MAP7: variants seen among roughly 807,000 people sequenced by gnomAD.
MAP7 encodes ensconsin.
In MAP7, 52 loss-of-function variants were observed where a neutral mutation model predicts 94.8. The observed-to-expected ratio is 0.55, with a 90% confidence interval of 0.44 to 0.69. The LOEUF is 0.69. Ranked by LOEUF, MAP7 falls within the 30% of genes least tolerant of loss-of-function variation. The pLI is 0.00. For synonymous variants in MAP7, 350 were observed against 357.0 expected (o/e 0.98, Z 0.22); for missense variants, 940 against 964.6 (o/e 0.97, Z 0.34).
intron 1 of MAP7, among the ~76,000 whole-genome samples, chr6:136,490,966 G>C (rs975020534): frequency 4.6e-5 from 7 of 152,096 alleles, no homozygotes; most frequent in Admixed American, 3.9e-4. Context: ...TTCAGATGCA[G>C]ACTTCATGCT....
intron 1 of MAP7, chr6:136,526,058 A>C: frequency 6.9e-7 from 1 of 1,442,088 alleles, no homozygotes; most frequent in East Asian, 2.5e-5. Flanking sequence ...CTAGTTCCTA[A>C]GCTGCCTGTT....
intron 1 of MAP7, among the ~76,000 whole-genome samples, chr6:136,508,601 A>G (rs1822292878): frequency 6.6e-6 from 1 of 152,210 alleles, no homozygotes; most frequent in Non-Finnish European, 1.5e-5. Context: ...GCTTCTCTTC[A>G]GTCAACTTCT....
At chr6:136,545,977 T>A (rs1829706448) in intron 1 of MAP7, among the ~76,000 whole-genome samples, 1 of 152,206 alleles carries the variant, frequency 6.6e-6, no homozygotes, top group Non-Finnish European at 1.5e-5. Flanking sequence ...CAATCTGCTG[T>A]GCTATCAAAT....
At chr6:136,359,598 G>A (rs1040652895) in intron 15 of MAP7, among the ~76,000 whole-genome samples, 3 of 151,950 alleles carry the variant, frequency 2.0e-5, no homozygotes, top group Non-Finnish European at 4.4e-5. Context: ...AAAATATCAA[G>A]CAACCCATTA....
intron 1 of MAP7, among the ~76,000 whole-genome samples, chr6:136,439,118 A>C (rs920921812): frequency 3.9e-5 from 6 of 152,190 alleles, no homozygotes; most frequent in African/African-American, 1.4e-4. Context: ...AAATGGTTTG[A>C]ATGTATGTAT....
chr6:136,540,579 C>T (rs531834515), intron 1 of MAP7, among the ~76,000 whole-genome samples: 1 of 152,130 alleles, frequency 6.6e-6, no homozygotes, highest in Non-Finnish European at 1.5e-5. Context: ...TCAAAAAAGT[C>T]CTGGGGCAAA....
chr6:136,528,760 G>A (rs565571071), intron 1 of MAP7, among the ~76,000 whole-genome samples: 4 of 152,292 alleles, frequency 2.6e-5, no homozygotes, highest in South Asian at 2.1e-4. Flanking sequence ...TCCTGCTGTC[G>A]TGTAAATCCT....
At chr6:136,433,549 A>G (rs1554254917) in intron 1 of MAP7, among the ~76,000 whole-genome samples, 1 of 152,266 alleles carries the variant, frequency 6.6e-6, no homozygotes, top group Non-Finnish European at 1.5e-5. Flanking sequence ...TTCCTGGTAC[A>G]TAGCGTAACA....
chr6:136,534,918 C>G (rs548789339), intron 1 of MAP7, among the ~76,000 whole-genome samples: 2 of 152,206 alleles, frequency 1.3e-5, no homozygotes, highest in East Asian at 3.9e-4. Flanking sequence ...TCAGTAGAAA[C>G]TAAAGTACAT....
At chr6:136,404,182 T>G (rs1375312718) in intron 3 of MAP7, among the ~76,000 whole-genome samples, 1 of 152,228 alleles carries the variant, frequency 6.6e-6, no homozygotes, top group Non-Finnish European at 1.5e-5. Flanking sequence ...GAGTACAGCA[T>G]TATTATTTAC....
At chr6:136,364,288 T>C (rs1793668037) in intron 10 of MAP7, 2 of 521,362 alleles carry the variant, frequency 3.8e-6, no homozygotes, top group Admixed American at 2.0e-5. Context: ...GCAAAAGCCT[T>C]GGCCAATGTT....
intron 11 of MAP7, 85 bp downstream of exon 11, chr6:136,362,365 T>G: frequency 6.6e-7 from 1 of 1,526,482 alleles, no homozygotes; most frequent in South Asian, 1.2e-5. Flanking sequence ...TTCATCAGTA[T>G]TATCACCTCC....
intron 1 of MAP7, among the ~76,000 whole-genome samples, chr6:136,505,403 C>T (rs1821230942): frequency 6.7e-6 from 1 of 149,306 alleles, no homozygotes. Context: ...TGAACATTAG[C>T]CATAATGTCC....
At chr6:136,416,738 G>A (rs6916323) in intron 2 of MAP7, among the ~76,000 whole-genome samples, 111,729 of 151,740 alleles carry the variant, frequency 0.74, 42,336 homozygotes, top group Middle Eastern at 0.85. Flanking sequence ...CCTGGGAGGC[G>A]GAGGTTGCAC....
chr6:136,450,171 C>A lies in MAP7; in HGVS notation c.68-28372G>T, dbSNP rs60539790. ...TGCACGCCAGCCTGGGTGACAAGAG[C>A]AAAACTCTGTCTCAAAAATAAAAAT... On this transcript the variant is annotated intron_variant, in intron 1 of 17. Transcript: ENST00000354570. Among the ~76,000 whole-genome samples the A allele has an allele frequency of 1.9e-3, 284 of 152,204 alleles. 2 individuals carry two copies. Among genetic ancestry groups the A allele is most frequent in the African/African-American group, 6.4e-3 (267 of 41,538 alleles).
intron 3 of MAP7, among the ~76,000 whole-genome samples, chr6:136,391,498 A>G (rs1780704743): frequency 6.6e-6 from 1 of 150,944 alleles, no homozygotes; most frequent in Non-Finnish European, 1.5e-5. Context: ...ACATGTATAC[A>G]TATGTAACTA....
At chr6:136,546,180 T>C (rs1829726784) in intron 1 of MAP7, among the ~76,000 whole-genome samples, 1 of 152,084 alleles carries the variant, frequency 6.6e-6, no homozygotes, top group Non-Finnish European at 1.5e-5. Context: ...ACCAGGCTAA[T>C]TTTTTTATTT....
chr6:136,414,463 G>C (rs1788692911), intron 2 of MAP7, among the ~76,000 whole-genome samples: 1 of 151,664 alleles, frequency 6.6e-6, no homozygotes, highest in African/African-American at 2.4e-5. Context: ...ATTTATTAAG[G>C]GCTATCCACA....
At chr6:136,411,561 C>A (rs1003786375) in intron 3 of MAP7, 59 bp downstream of exon 3, 2 of 1,420,014 alleles carry the variant, frequency 1.4e-6, no homozygotes, top group African/African-American at 1.4e-5. Context: ...ATGCAAAAGA[C>A]CACGGTATTA....
Sources: gnomAD v4.1 joint callset for allele counts (sites outside exome capture counted in the v4.1 genomes callset) on GRCh38, gnomAD v4.1.1 for gene constraint, MANE v1.5 for transcripts, NCBI Gene and HGNC (gene_info 2026-07-23, HGNC 2026-07-21) for gene names.